Variants in MROH9 observed in about 807,000 individuals in gnomAD.
MROH9 encodes maestro heat-like repeat-containing protein family member 9.
A neutral mutation model predicts 98.2 loss-of-function variants in MROH9; 92 were observed. That is an observed-to-expected ratio of 0.94 (90% CI 0.79 to 1.11). The LOEUF (loss-of-function observed/expected upper bound fraction) is 1.11, where lower values mean the gene tolerates loss of function less well. Ranked by LOEUF, MROH9 falls within the 50% of genes most tolerant of loss-of-function variation. The probability of loss-of-function intolerance (pLI) is 0.00; values close to 1 mark genes in which losing one functional copy is unlikely to be tolerated. For synonymous variants in MROH9, 397 were observed against 368.9 expected (o/e 1.08, Z -0.87); for missense variants, 1,057 against 1,014.8 (o/e 1.04, Z -0.57).
At chr1:170,962,302 A>G (rs1461449427) in intron 6 of MROH9, among the ~76,000 whole-genome samples, 1 of 152,186 alleles carries the variant, frequency 6.6e-6, no homozygotes, top group Non-Finnish European at 1.5e-5. Context: ...TCAAGTTCAC[A>G]TAGCAATGAA....
At chr1:170,999,768 T>C (rs781560893) in intron 15 of MROH9, among the ~76,000 whole-genome samples, 3 of 152,180 alleles carry the variant, frequency 2.0e-5, no homozygotes, top group Non-Finnish European at 4.4e-5. Context: ...CAGTTTTCCA[T>C]AGTGGCTGTA....
intron 20 of MROH9, among the ~76,000 whole-genome samples, chr1:171,050,270 T>C (rs1653622872): frequency 6.6e-6 from 1 of 152,190 alleles, no homozygotes; most frequent in Non-Finnish European, 1.5e-5. Flanking sequence ...TGGGTCTTAT[T>C]TAAATCTTTA....
rs1156442367 is a variant in MROH9 at position 171,025,344 on chromosome 1, A to G, written c.2205A>G (p.Thr735=). 2.8e-5 allele frequency: 44 copies of G among 1,549,414 alleles called. No individual in the cohort carries two copies. Among genetic ancestry groups the G allele is most frequent in the Non-Finnish European group, 3.8e-5 (43 of 1,145,214 alleles). Residue 735 remains threonine (T), a synonymous_variant, in exon 20 of 22, where the codon ACA becomes ACG. Coordinates refer to ENST00000367759, the MANE Select transcript of MROH9 (RefSeq NM_001163629.2). ...TTATTTCTCATAGGAACTACATTAC[A>G]GATTTGACATCTGATACCTTACGAT... The part of the protein sequence containing the change: ...NLIISHRNYI[T]DLTSDTLRFL...
chr1:171,061,110 A>G (rs1653997231), intron 20 of MROH9, among the ~76,000 whole-genome samples: 1 of 152,216 alleles, frequency 6.6e-6, no homozygotes, highest in South Asian at 2.1e-4. Context: ...AATGGCCAGT[A>G]AATACACACA....
At chr1:170,977,607 AGT>A in intron 8 of MROH9, among the ~76,000 whole-genome samples, 1 of 152,262 alleles carries the variant, frequency 6.6e-6, no homozygotes, top group South Asian at 2.1e-4. Flanking sequence ...ATTTCCTTAC[AGT>A]AGCAGCTGTG....
rs775610975 is a variant in MROH9, at chr1:170,971,802, TG to T, written c.536del (p.Cys179PhefsTer9). 4.3e-6 allele frequency: 7 copies of T among 1,613,980 alleles called. No homozygotes were observed. In the South Asian group the frequency reaches 7.7e-5, roughly 18 times the overall value. ...CCTGGCAGCAGAGCTGTCTCTTTTG[TG>T]TTCCCATGAAGATCCCTCGATTGTA... ...GLLAAELSLL[C>X]SHEDPSIVKQ... On this transcript the variant is annotated frameshift_variant, in exon 8 of 22. Transcript: ENST00000367759. LOFTEE classifies it high-confidence loss of function.
chr1:170,986,353 G>T (rs1218047782), intron 9 of MROH9, among the ~76,000 whole-genome samples: 1 of 152,100 alleles, frequency 6.6e-6, no homozygotes, highest in Non-Finnish European at 1.5e-5. Context: ...ATTTCACTTG[G>T]ATTATAGTCA....
intron 17 of MROH9, 94 bp from the exon 18 acceptor site, chr1:171,024,301 G>GTGTGTGTGTGTGTGTGTGTGTGTGT (rs1553219573): frequency 1.4e-6 from 1 of 707,864 alleles, no homozygotes; most frequent in African/African-American, 3.4e-5. Context: ...ATATTTATAT[G>GTGTGTGTGTGTGTGTGTGTGTGTGT]GGGTGTGTGT....
chr1:171,049,917 A>T (rs750209834), intron 20 of MROH9, among the ~76,000 whole-genome samples: 9 of 152,124 alleles, frequency 5.9e-5, no homozygotes, highest in Non-Finnish European at 1.2e-4. Context: ...CTTGGGCTCA[A>T]GCAATCTGCC....
At chr1:170,959,841 C>T (rs1649947382) in intron 5 of MROH9, among the ~76,000 whole-genome samples, 1 of 152,104 alleles carries the variant, frequency 6.6e-6, no homozygotes, top group Admixed American at 6.5e-5. Context: ...ATTGGTTTAG[C>T]AAGAATAGGG....
In MROH9 at chr1:170,959,617, A is replaced by G. The variant is rs943817234; in HGVS notation, c.288+20A>G. The G allele has an allele frequency of 2.5e-6, 4 of 1,608,530 alleles. No individual in the cohort carries two copies. Among genetic ancestry groups the G allele is most frequent in the Non-Finnish European group, 3.4e-6 (4 of 1,177,392 alleles). On this transcript the variant is annotated intron_variant, in intron 5 of 21. Transcript: ENST00000367759. ...ATGGAGGTAAAATTTTTCTTCCTTT[A>G]ATCATTATAGGATGTTATTACACAT...
chr1:171,041,715 G>A (rs940869950), intron 20 of MROH9, among the ~76,000 whole-genome samples: 3 of 151,798 alleles, frequency 2.0e-5, no homozygotes, highest in Non-Finnish European at 2.9e-5. Flanking sequence ...ATTTTTCTCT[G>A]TAACTTCATC....
chr1:171,013,099 C>T (rs1475391112), intron 15 of MROH9, among the ~76,000 whole-genome samples: 1 of 152,164 alleles, frequency 6.6e-6, no homozygotes, highest in African/African-American at 2.4e-5. Context: ...TGAAGGTCTC[C>T]TCTCTAAACA....
At chr1:171,028,834 A>T (rs7887676) in intron 20 of MROH9, among the ~76,000 whole-genome samples, 5,718 of 152,224 alleles carry the variant, frequency 0.038, 330 homozygotes, top group African/African-American at 0.12. Flanking sequence ...TGTGTCTATC[A>T]TTGGTGTAAA....
At chr1:171,003,024 A>G (rs1651833743) in intron 15 of MROH9, among the ~76,000 whole-genome samples, 1 of 112,954 alleles carries the variant, frequency 8.9e-6, no homozygotes, top group African/African-American at 3.8e-5. Context: ...TCTTTCTTCT[A>G]CTTGTTCATT....
intron 20 of MROH9, among the ~76,000 whole-genome samples, chr1:171,047,399 A>G (rs1557912963): frequency 6.6e-6 from 1 of 152,014 alleles, no homozygotes; most frequent in African/African-American, 2.4e-5. Flanking sequence ...GCTGCCTTCA[A>G]TCTCACTAAT....
At chr1:170,950,778 A>T (rs1649520038) in intron 3 of MROH9, among the ~76,000 whole-genome samples, 1 of 152,162 alleles carries the variant, frequency 6.6e-6, no homozygotes, top group Non-Finnish European at 1.5e-5. Flanking sequence ...TTGCTGGATC[A>T]AACTATATCT....
chr1:171,044,736 C>G (rs1653408169), intron 20 of MROH9, among the ~76,000 whole-genome samples: 1 of 151,768 alleles, frequency 6.6e-6, no homozygotes. Flanking sequence ...CTATATTTTC[C>G]AATTTATTGG....
chr1:170,936,848 T>C (rs1206613026), intron 1 of MROH9, among the ~76,000 whole-genome samples: 1 of 151,758 alleles, frequency 6.6e-6, no homozygotes, highest in Non-Finnish European at 1.5e-5. Context: ...AGTTATCTTT[T>C]AATCATTTCG....
Sources: allele counts gnomAD v4.1 joint callset (sites outside exome capture counted in the v4.1 genomes callset), GRCh38; gene constraint gnomAD v4.1.1; transcripts MANE v1.5; gene names NCBI Gene and HGNC (gene_info 2026-07-23, HGNC 2026-07-21).